The following NRG3 variants were observed in gnomAD, a reference collection of about 807,000 sequenced individuals.
NRG3 encodes the protein neuregulin 3, also known as pro-neuregulin-3, membrane-bound isoform.
NRG3 carries 31 observed loss-of-function variants against 66.9 expected under a neutral mutation model. The observed-to-expected ratio is 0.46, with a 90% CI of 0.35 to 0.63. The LOEUF (loss-of-function observed/expected upper bound fraction) is 0.63. NRG3 is among the 20% of genes least tolerant of loss of function. NRG3 has a pLI of 0.00. For synonymous variants in NRG3, 393 were observed against 359.4 expected (o/e 1.09, Z -1.06); for missense variants, 910 against 878.9 (o/e 1.04, Z -0.45).
intron 1 of NRG3, among the ~76,000 whole-genome samples, chr10:82,007,242 C>T (rs544460461): frequency 1.5e-5 from 2 of 135,960 alleles, no homozygotes; most frequent in South Asian, 4.6e-4. Context: ...CAGAGTCTTG[C>T]ACTGTCGCCC....
At chr10:82,194,102 C>T (rs555267498) in intron 1 of NRG3, among the ~76,000 whole-genome samples, 6 of 152,240 alleles carry the variant, frequency 3.9e-5, no homozygotes, top group African/African-American at 1.4e-4. Context: ...TGAAATTTTA[C>T]TGAGAGTAAG....
chr10:82,153,033 A>T (rs1196188330), intron 1 of NRG3, among the ~76,000 whole-genome samples: 1 of 152,058 alleles, frequency 6.6e-6, no homozygotes, highest in African/African-American at 2.4e-5. Context: ...GTTAACATTT[A>T]TCACCTTATC....
intron 6 of NRG3, among the ~76,000 whole-genome samples, chr10:82,971,034 G>A (rs1007593972): frequency 3.3e-5 from 5 of 152,118 alleles, no homozygotes; most frequent in South Asian, 4.1e-4. Flanking sequence ...CATGGCGGAA[G>A]GGAAAGGGGA....
intron 1 of NRG3, among the ~76,000 whole-genome samples, chr10:81,891,236 T>C (rs1842983580): frequency 6.6e-6 from 1 of 152,150 alleles, no homozygotes; most frequent in Non-Finnish European, 1.5e-5. Context: ...AAAGGTTTGT[T>C]GTCATGTGCC....
At chr10:82,681,198 T>A (rs1160530358) in intron 2 of NRG3, among the ~76,000 whole-genome samples, 1 of 152,220 alleles carries the variant, frequency 6.6e-6, no homozygotes, top group Non-Finnish European at 1.5e-5. Flanking sequence ...ACTTGAGTTT[T>A]GGAGCAAAAT....
intron 2 of NRG3, among the ~76,000 whole-genome samples, chr10:82,531,952 G>T (rs1411725423): frequency 6.6e-6 from 1 of 151,502 alleles, no homozygotes; most frequent in Non-Finnish European, 1.5e-5. Context: ...CCTTCTCCTA[G>T]CCCCTGGAAA....
At chr10:81,962,471 C>A (rs1850455321) in intron 1 of NRG3, among the ~76,000 whole-genome samples, 1 of 152,144 alleles carries the variant, frequency 6.6e-6, no homozygotes, top group East Asian at 1.9e-4. Flanking sequence ...ACTTTTCTGA[C>A]AAAAGAATGT....
intron 8 of NRG3, among the ~76,000 whole-genome samples, chr10:82,984,404 T>TGGGTAG (rs1853240716): frequency 6.6e-6 from 1 of 152,152 alleles, no homozygotes; most frequent in Non-Finnish European, 1.5e-5. Flanking sequence ...AGATGCTAGA[T>TGGGTAG]GGGTAGAAGC....
intron 2 of NRG3, among the ~76,000 whole-genome samples, chr10:82,631,703 G>A (rs2049851877): frequency 6.6e-6 from 1 of 151,548 alleles, no homozygotes; most frequent in Admixed American, 6.6e-5. Context: ...TGCAGCCTCT[G>A]ATAGGGTTCA....
At chr10:82,268,580 G>A (rs996271156) in intron 1 of NRG3, among the ~76,000 whole-genome samples, 10 of 151,962 alleles carry the variant, frequency 6.6e-5, no homozygotes, top group Non-Finnish European at 1.2e-4. Flanking sequence ...TTCCTTCTCT[G>A]GATTCTGGCC....
In NRG3 at chr10:82,895,756, G is replaced by A. The variant is rs189340587; in HGVS notation, c.1054+30319G>A. ...CCGCCCGCCTTGGCCTCCCAAAAGT[G>A]CTGGGATTACAGACGTGAGCCACCG... is the stretch of plus-strand genomic sequence containing the variant. On this transcript the variant is annotated intron_variant, in intron 4 of 8. Transcript: ENST00000372141. 3.1e-3 allele frequency among the ~76,000 whole-genome samples: 467 copies of A among 152,220 alleles called. 8 individuals are homozygous for A. Among genetic ancestry groups the A allele is most frequent in the African/African-American group, 0.01 (416 of 41,546 alleles).
intron 2 of NRG3, among the ~76,000 whole-genome samples, chr10:82,365,768 T>G (rs2084481002): frequency 6.6e-6 from 1 of 152,180 alleles, no homozygotes; most frequent in African/African-American, 2.4e-5. Flanking sequence ...AAAGATTACT[T>G]TATTTTAATG....
chr10:82,014,714 G>C (rs1277927717), intron 1 of NRG3, among the ~76,000 whole-genome samples: 2 of 152,138 alleles, frequency 1.3e-5, no homozygotes, highest in Non-Finnish European at 2.9e-5. Flanking sequence ...GCAGAGGCAG[G>C]GTGAAGGTGC....
chr10:82,651,855 A>G lies in NRG3; in HGVS notation c.954-86722A>G, dbSNP rs546607087. Among the ~76,000 whole-genome samples the G allele has an allele frequency of 2.6e-5, 4 of 152,356 alleles. No homozygotes were observed. The East Asian group carries it at 7.7e-4, about 29-fold the overall frequency. On this transcript the variant is annotated intron_variant, in intron 2 of 8. Transcript: ENST00000372141. ...CCTGCTCAGTCCCAGTCAAGCCTTC[A>G]GATGACTGCATCCCAGTTGACATTT...
chr10:82,657,911 A>C (rs1478037532), intron 2 of NRG3, among the ~76,000 whole-genome samples: 1 of 151,766 alleles, frequency 6.6e-6, no homozygotes, highest in Admixed American at 6.6e-5. Context: ...ACAGAAAAAA[A>C]AAAAAATCCC....
intron 1 of NRG3, among the ~76,000 whole-genome samples, chr10:81,927,991 A>C (rs1846973932): frequency 6.6e-6 from 1 of 152,150 alleles, no homozygotes; most frequent in Non-Finnish European, 1.5e-5. Flanking sequence ...ATAAATAATA[A>C]ATTGGTTTTT....
chr10:82,633,181 G>A (rs2049961907), intron 2 of NRG3, among the ~76,000 whole-genome samples: 1 of 152,160 alleles, frequency 6.6e-6, no homozygotes, highest in Non-Finnish European at 1.5e-5. Context: ...TCGTCCAGAA[G>A]ACTTTTCCTT....
chr10:82,237,822 A>T (rs750209000), intron 1 of NRG3, among the ~76,000 whole-genome samples: 2 of 152,168 alleles, frequency 1.3e-5, no homozygotes, highest in Admixed American at 6.5e-5. Flanking sequence ...TTTCAAAATG[A>T]TGCTTTTTCC....
intron 1 of NRG3, among the ~76,000 whole-genome samples, chr10:82,092,713 A>G (rs551605853): frequency 1.0e-3 from 158 of 152,324 alleles, no homozygotes; most frequent in Non-Finnish European, 2.2e-3. Flanking sequence ...AGGAGATACT[A>G]TGTCTTTCTT....
Sources: allele counts gnomAD v4.1 joint callset (sites outside exome capture counted in the v4.1 genomes callset), GRCh38; gene constraint gnomAD v4.1.1; transcripts MANE v1.5; gene names NCBI Gene and HGNC (gene_info 2026-07-23, HGNC 2026-07-21).